The following USP34 variants were observed in gnomAD, a reference collection of about 807,000 sequenced individuals.
The protein encoded by USP34 is ubiquitin carboxyl-terminal hydrolase 34.
A neutral mutation model predicts 460.3 loss-of-function variants in USP34; 70 were observed. That is an observed-to-expected ratio of 0.15 (90% CI 0.13 to 0.19). The LOEUF is 0.19. USP34 is among the 10% of genes least tolerant of loss of function. The pLI, the probability that USP34 is intolerant of heterozygous loss-of-function variation, is 1.00. For synonymous variants in USP34, 1,647 were observed against 1,405.3 expected (o/e 1.17, Z -3.85); for missense variants, 3,985 against 4,236.2 (o/e 0.94, Z 1.65).
intron 41 of USP34, among the ~76,000 whole-genome samples, chr2:61,268,251 C>T (rs569693858): frequency 2.9e-4 from 44 of 151,632 alleles, no homozygotes; most frequent in Admixed American, 2.6e-4. Context: ...TAAACTGGGC[C>T]GGGTACAATG....
At chr2:61,266,232 C>A (rs765866349) in intron 41 of USP34, 65 bp from the exon 42 acceptor site, 8 of 1,431,452 alleles carry the variant, frequency 5.6e-6, no homozygotes, top group Non-Finnish European at 7.6e-6. Context: ...ATATAGTTAA[C>A]ATATACACAG....
chr2:61,288,061 T>C (rs1249300209), intron 34 of USP34, among the ~76,000 whole-genome samples: 1 of 152,244 alleles, frequency 6.6e-6, no homozygotes, highest in Admixed American at 6.5e-5. Flanking sequence ...AGTATTTACC[T>C]AGAAGACAGA....
In USP34 at chr2:61,265,500, C is replaced by T. The variant is rs1572884318; in HGVS notation, c.5675G>A (p.Arg1892Lys). 1 of 1,613,530 alleles carries T rather than the reference C, an allele frequency of 6.2e-7. No homozygotes were observed. Among genetic ancestry groups the T allele is most frequent in the East Asian group, 2.2e-5 (1 of 44,838 alleles). The part of the protein sequence containing the change: ...WPHEDVRAEC[R>K]FVGLTNLGAT... ...TCCAAGGTTAGTAAGGCCAACAAAT[C>T]TACATTCAGCACGGACATCTTCATG... The change falls in exon 43 of 80, where the codon AGA (arginine) becomes AAA (lysine). Residue 1892 changes from arginine (R) to lysine (K), a missense_variant. Arg to Lys is a conservative substitution (Grantham distance 26). Around this residue, in one of 14 missense-constraint regions of USP34, gnomAD observed 145 missense variants for 291.6 expected, o/e 0.50. Coordinates refer to ENST00000398571, the MANE Select transcript of USP34 (RefSeq NM_014709.4).
chr2:61,270,271 G>T (rs968290582), intron 41 of USP34, among the ~76,000 whole-genome samples: 1 of 152,132 alleles, frequency 6.6e-6, no homozygotes, highest in Non-Finnish European at 1.5e-5. Context: ...TCATGAGAAG[G>T]TGCCATCCGT....
At chr2:61,369,627 A>G (rs1692547827) in intron 10 of USP34, among the ~76,000 whole-genome samples, 1 of 147,596 alleles carries the variant, frequency 6.8e-6, no homozygotes, top group South Asian at 2.2e-4. Context: ...TGGGCTACAA[A>G]GCAAGATTCC....
chr2:61,296,207 C>T (rs1690023679), intron 30 of USP34, among the ~76,000 whole-genome samples: 1 of 152,106 alleles, frequency 6.6e-6, no homozygotes, highest in African/African-American at 2.4e-5. Flanking sequence ...TTGCAGTGAG[C>T]TGAGACCACA....
intron 53 of USP34, among the ~76,000 whole-genome samples, chr2:61,239,228 G>T (rs1558484138): frequency 1.3e-5 from 2 of 150,812 alleles, no homozygotes; most frequent in Middle Eastern, 3.4e-3. Context: ...GTAAAAGGAG[G>T]AGTCACACAT....
chr2:61,330,518 TAC>T (rs1691229204), intron 20 of USP34, among the ~76,000 whole-genome samples: 1 of 152,240 alleles, frequency 6.6e-6, no homozygotes, highest in Non-Finnish European at 1.5e-5. Flanking sequence ...CGAACACTTC[TAC>T]AGTCTGCTTA....
rs1693027459 is a variant in USP34, at chr2:61,383,214, A to G, written c.821+55T>C. 16 of 1,261,694 alleles carry G rather than the reference A, an allele frequency of 1.3e-5. No homozygotes were observed. The East Asian group carries it at 3.5e-4, about 27-fold the overall frequency. The allele number at this position is 1,261,694 out of a possible 1,614,324, so 78.2% of individuals were successfully genotyped here. On this transcript the variant is annotated intron_variant, in intron 6 of 79. Coordinates refer to ENST00000398571, the MANE Select transcript of USP34 (RefSeq NM_014709.4). The stretch of plus-strand genomic sequence containing the variant: ...CAAACAATATAATTCTATATTATAA[A>G]TTGTTTAAATATATTACACTGATAA...
intron 1 of USP34, among the ~76,000 whole-genome samples, chr2:61,428,525 G>C (rs970424371): frequency 1.4e-4 from 22 of 152,106 alleles, no homozygotes; most frequent in African/African-American, 5.3e-4. Context: ...CAACCCCATG[G>C]AAGAACACAA....
At position 61,190,607 on chromosome 2, in the gene USP34, C is replaced by A. The variant is rs753423982; in HGVS notation, c.9640G>T (p.Ala3214Ser). The change falls in exon 77 of 80, where the codon GCA (alanine) becomes TCA (serine). Residue 3214 changes from alanine to serine, a missense_variant. Ala to Ser is a moderately conservative substitution (Grantham distance 99, BLOSUM62 1). Around this residue, in one of 14 missense-constraint regions of USP34, gnomAD observed 506 missense variants for 439.0 expected, o/e 1.15. Transcript: ENST00000398571. ...ATTAGGATACATTTAATATATTCTG[C>A]GAAAACAGGATCTTCACACAAAAGC... ...IKLLCEDPVF[A>S]EYIKCILMDE... 2 of 1,613,906 alleles carry A rather than the reference C, an allele frequency of 1.2e-6. No homozygotes were observed. Among genetic ancestry groups the A allele is most frequent in the African/African-American group, 2.7e-5 (2 of 75,002 alleles).
intron 10 of USP34, among the ~76,000 whole-genome samples, chr2:61,366,015 G>C (rs1222371402): frequency 1.3e-5 from 2 of 152,172 alleles, no homozygotes; most frequent in East Asian, 1.9e-4. Flanking sequence ...ACAATGGCGT[G>C]ATCTCAGCTT....
At chr2:61,467,615 TTG>T (rs1350310465) in intron 1 of USP34, among the ~76,000 whole-genome samples, 15 of 120,208 alleles carry the variant, frequency 1.2e-4, no homozygotes, top group South Asian at 5.6e-4. Flanking sequence ...GACTGTAACT[TTG>T]TTTTTTTTTT....
At chr2:61,213,067 C>T (rs946089248) in intron 68 of USP34, among the ~76,000 whole-genome samples, 1 of 152,048 alleles carries the variant, frequency 6.6e-6, no homozygotes, top group African/African-American at 2.4e-5. Context: ...TGCTTTGTTG[C>T]CCAGGGTGCA....
rs185207491 is a variant in USP34, at chr2:61,341,749, G to T, written c.2500+2066C>A. 1.2e-3 allele frequency among the ~76,000 whole-genome samples: 169 copies of T among 144,462 alleles called. 1 individual carries two copies. Among genetic ancestry groups the T allele is most frequent in the African/African-American group, 4.2e-3 (166 of 39,276 alleles). 94.8% of individuals were successfully genotyped at this position (144,462 alleles called of 152,430 possible). A position where few individuals can be genotyped will look rare whatever the true frequency, so the allele number is the denominator to read the frequency against. The stretch of plus-strand genomic sequence containing the variant: ...TTGTTTATAAACTACCCAGACTCAG[G>T]TCTTTCTTTTTTTTTTTTTTTTTTT... On this transcript the variant is annotated intron_variant, in intron 16 of 79. Coordinates refer to ENST00000398571, the MANE Select transcript of USP34 (RefSeq NM_014709.4).
intron 75 of USP34, among the ~76,000 whole-genome samples, chr2:61,196,388 C>T (rs1395652988): frequency 6.6e-6 from 1 of 151,860 alleles, no homozygotes; most frequent in Non-Finnish European, 1.5e-5. Context: ...CCGCGCCCGG[C>T]CAATTTCTGT....
At position 61,205,673 on chromosome 2, in the gene USP34, TA is replaced by T. The variant is rs758186600; in HGVS notation, c.9154+343del. 1.2e-4 allele frequency among the ~76,000 whole-genome samples: 18 copies of T among 152,320 alleles called. 1 individual carries two copies. The highest frequency in any genetic ancestry group is 2.6e-4 in the Admixed American group (4 of 15,302). On this transcript the variant is annotated intron_variant, in intron 72 of 79. Transcript: ENST00000398571. The stretch of plus-strand genomic sequence containing the variant: ...TTAGGCAAAAGAACTCACAGTGAAA[TA>T]AGTACTCTTATCCTTTAGAATGTCA...
intron 10 of USP34, among the ~76,000 whole-genome samples, chr2:61,355,816 A>G (rs1280034865): frequency 1.3e-5 from 2 of 152,204 alleles, no homozygotes; most frequent in African/African-American, 4.8e-5. Flanking sequence ...AGAAAAAGAC[A>G]GAATTGGTAT....
At chr2:61,324,163 G>C (rs546262903) in intron 21 of USP34, among the ~76,000 whole-genome samples, 3 of 152,260 alleles carry the variant, frequency 2.0e-5, no homozygotes, top group Non-Finnish European at 2.9e-5. Flanking sequence ...GAGAGTAAAG[G>C]ATGACAGTCA....
Sources: gnomAD v4.1 joint callset for allele counts (sites outside exome capture counted in the v4.1 genomes callset) on GRCh38, gnomAD v4.1.1 for gene constraint, gnomAD v4.1.1 regional missense constraint, MANE v1.5 for transcripts, NCBI Gene and HGNC (gene_info 2026-07-23, HGNC 2026-07-21) for gene names.